The following PIP5K1B variants were observed in gnomAD, a reference collection of about 807,000 sequenced individuals.
PIP5K1B encodes phosphatidylinositol 4-phosphate 5-kinase type-1 beta.
Under a neutral mutation model 67.0 loss-of-function variants are expected in PIP5K1B, and 42 were observed. That is an observed-to-expected ratio of 0.63 (90% CI 0.49 to 0.81). The LOEUF is 0.81. Among genes scored for constraint, PIP5K1B ranks in the 30% least tolerant of loss-of-function variants. The probability of loss-of-function intolerance (pLI) is 0.00; values close to 1 mark genes in which losing one functional copy is unlikely to be tolerated. For synonymous variants in PIP5K1B, 214 were observed against 231.4 expected, an observed-to-expected ratio of 0.92 and a Z score of 0.68; for missense variants, 459 against 646.3, an observed-to-expected ratio of 0.71 and a Z score of 3.14.
At chr9:68,904,409 A>G (rs1825508636) in intron 8 of PIP5K1B, among the ~76,000 whole-genome samples, 2 of 152,246 alleles carry the variant, frequency 1.3e-5, no homozygotes, top group African/African-American at 2.4e-5. Context: ...CAATGAGTTC[A>G]TGAAATCTTG....
intron 2 of PIP5K1B, chr9:68,780,026 C>T (rs1831149046): frequency 8.4e-7 from 1 of 1,185,140 alleles, no homozygotes; most frequent in East Asian, 2.9e-5. Context: ...AGCGCCTGCG[C>T]GAAGGGCTAC....
chr9:68,909,090 C>G (rs540213243), intron 8 of PIP5K1B, among the ~76,000 whole-genome samples: 1 of 152,262 alleles, frequency 6.6e-6, no homozygotes, highest in Non-Finnish European at 1.5e-5. Flanking sequence ...CCATCTCTAG[C>G]TCATCATTGG....
Position 68,757,411 on chromosome 9 carries a change from C to G in PIP5K1B, c.-86+14754C>G, listed in dbSNP as rs192143985. On this transcript the variant is annotated intron_variant, in intron 2 of 15. Coordinates refer to ENST00000265382, the MANE Select transcript of PIP5K1B (RefSeq NM_003558.4). ...CTCAGATAGGAGAAACTTCAGAGAC[C>G]TAGTTTCATTAAACTTAGCTCTGGT... 3.9e-3 allele frequency among the ~76,000 whole-genome samples: 587 copies of G among 152,160 alleles called. 6 individuals carry two copies. The highest frequency in any genetic ancestry group is 7.9e-3 in the Admixed American group (120 of 15,270).
intron 2 of PIP5K1B, chr9:68,780,828 A>G: frequency 1.2e-6 from 2 of 1,614,234 alleles, no homozygotes; most frequent in South Asian, 2.2e-5. Flanking sequence ...CCAGGGCATC[A>G]CCAACATGCT....
intron 1 of PIP5K1B, among the ~76,000 whole-genome samples, chr9:68,721,324 A>G (rs1330191737): frequency 6.6e-6 from 1 of 152,192 alleles, no homozygotes; most frequent in Non-Finnish European, 1.5e-5. Flanking sequence ...GACCTGAAGT[A>G]ATGTAGTGTG....
chr9:68,761,259 AT>A (rs1830169967), intron 2 of PIP5K1B, among the ~76,000 whole-genome samples: 1 of 152,088 alleles, frequency 6.6e-6, no homozygotes, highest in Admixed American at 6.6e-5. Context: ...ACCAATTCGA[AT>A]ATATTTCAGA....
intron 14 of PIP5K1B, among the ~76,000 whole-genome samples, chr9:68,990,242 T>C (rs960672303): frequency 2.0e-5 from 3 of 152,180 alleles, no homozygotes; most frequent in African/African-American, 7.2e-5. Context: ...TAGCATCACC[T>C]GGGAACTTGT....
At position 68,735,316 on chromosome 9, in the gene PIP5K1B, C is replaced by CTT. The variant is rs558810934; in HGVS notation, c.-242-7158_-242-7157dup. 4.5e-3 allele frequency among the ~76,000 whole-genome samples: 134 copies of CTT among 29,800 alleles called. 34 individuals carry two copies. The highest frequency in any genetic ancestry group is 0.016 in the African/African-American group (121 of 7,594). 19.5% of individuals were successfully genotyped at this position (29,800 alleles called of 152,430 possible). On this transcript the variant is annotated intron_variant, in intron 1 of 15. Transcript: ENST00000265382. ...CAGATTTGCTGTTTTCCCCTAGTGT[C>CTT]TTTTTTTTTTTTTTTTTTTTTTTTT...
intron 8 of PIP5K1B, among the ~76,000 whole-genome samples, chr9:68,909,136 G>T (rs1281901800): frequency 6.6e-6 from 1 of 152,118 alleles, no homozygotes. Flanking sequence ...GTATAGACGT[G>T]CATTTTATCT....
intron 6 of PIP5K1B, among the ~76,000 whole-genome samples, chr9:68,881,926 A>C (rs1244996252): frequency 6.6e-6 from 1 of 152,232 alleles, no homozygotes; most frequent in African/African-American, 2.4e-5. Flanking sequence ...AATAAGAAAG[A>C]GAGCAGAGTG....
At chr9:68,934,765 G>C in intron 12 of PIP5K1B, 125 bp from the exon 13 acceptor site, 1 of 583,752 alleles carries the variant, frequency 1.7e-6, no homozygotes. Flanking sequence ...TATAAAATAA[G>C]CGTCTTGTCT....
At chr9:68,871,907 GTTT>G (rs11389667) in intron 5 of PIP5K1B, among the ~76,000 whole-genome samples, 8 of 148,070 alleles carry the variant, frequency 5.4e-5, no homozygotes, top group Admixed American at 6.7e-5. Flanking sequence ...GTTGTCGGGT[GTTT>G]TTTTTTTTTT....
In PIP5K1B at chr9:68,818,485, G is replaced by C. The variant is rs1833564323; in HGVS notation, c.-61G>C. 3 of 152,620 alleles carry C rather than the reference G, an allele frequency of 2.0e-5. No individual in the cohort carries two copies. The highest frequency in any genetic ancestry group is 1.9e-4 in the East Asian group (1 of 5,184). 9.5% of individuals were successfully genotyped at this position (152,620 alleles called of 1,614,324 possible). A position where few individuals can be genotyped will look rare whatever the true frequency, so the allele number is the denominator to read the frequency against. ...GAAACCTGGCAAAGAAAACGGTCTC[G>C]ACAATGAGTAGGCCACCCATCACTA... On this transcript the variant is annotated 5_prime_UTR_variant, in exon 3 of 16. Transcript: ENST00000265382.
intron 1 of PIP5K1B, among the ~76,000 whole-genome samples, chr9:68,723,229 C>T (rs1389601912): frequency 6.6e-6 from 1 of 151,718 alleles, no homozygotes; most frequent in African/African-American, 2.4e-5. Flanking sequence ...TTTCTTTGTG[C>T]ATTCATCCAC....
chr9:68,970,508 G>C (rs1829302123), intron 14 of PIP5K1B, among the ~76,000 whole-genome samples: 1 of 152,190 alleles, frequency 6.6e-6, no homozygotes, highest in African/African-American at 2.4e-5. Flanking sequence ...AAAAGTGTTG[G>C]TAAGGCAGAG....
chr9:68,961,652 C>A (rs1828755506), intron 14 of PIP5K1B, among the ~76,000 whole-genome samples: 2 of 152,226 alleles, frequency 1.3e-5, no homozygotes, highest in East Asian at 1.9e-4. Flanking sequence ...ATCTTTCCAG[C>A]CTGGATGATA....
chr9:68,783,785 ACACT>A, intron 2 of PIP5K1B: 2 of 167,060 alleles, frequency 1.2e-5, no homozygotes, highest in East Asian at 3.9e-4. Context: ...TGTGCTCCTC[ACACT>A]CACTCTGGTC....
chr9:68,994,180 A>G (rs1830510878), intron 15 of PIP5K1B, among the ~76,000 whole-genome samples: 2 of 151,518 alleles, frequency 1.3e-5, no homozygotes, highest in Non-Finnish European at 1.5e-5. Flanking sequence ...AGCTGGGATT[A>G]CAGGGACCTG....
chr9:68,885,876 G>A (rs570408011), intron 6 of PIP5K1B, among the ~76,000 whole-genome samples: 102 of 152,188 alleles, frequency 6.7e-4, no homozygotes, highest in Non-Finnish European at 1.2e-3. Context: ...TTTGTCGATC[G>A]AAAATTTAAA....
Sources: allele counts gnomAD v4.1 joint callset (sites outside exome capture counted in the v4.1 genomes callset), GRCh38; gene constraint gnomAD v4.1.1; transcripts MANE v1.5; gene names NCBI Gene and HGNC (gene_info 2026-07-23, HGNC 2026-07-21).